Variants in MED27 observed in about 807,000 individuals in gnomAD.
MED27 encodes mediator complex subunit 27.
A neutral mutation model predicts 38.2 loss-of-function variants in MED27; 30 were observed. That is an observed-to-expected ratio of 0.79 (90% CI 0.59 to 1.07). The LOEUF (loss-of-function observed/expected upper bound fraction) is 1.07, where lower values mean the gene tolerates loss of function less well. Among genes scored for constraint, MED27 ranks in the 50% least tolerant of loss-of-function variants. The pLI is 0.00. For synonymous variants in MED27, 122 were observed against 153.5 expected (o/e 0.79, Z 1.52); for missense variants, 289 against 397.5 (o/e 0.73, Z 2.32).
rs539001916 is a variant in MED27, at chr9:131,922,810, C to T, written c.573+16571G>A. Among the ~76,000 whole-genome samples, 19 of 152,116 alleles carry T rather than the reference C, an allele frequency of 1.2e-4. No homozygotes were observed. In the South Asian group the frequency reaches 3.1e-3, roughly 25 times the overall value. On this transcript the variant is annotated intron_variant, in intron 4 of 7. Transcript: ENST00000292035. ...TGTATGTTTAGTAGAGACGGGGTTT[C>T]GCCATGGTGGCCAGGCTGGTCTCAA... is the stretch of plus-strand genomic sequence containing the variant.
rs1266416980 is a variant in MED27, at chr9:131,889,155, C to T, written c.681+4730G>A. 6.6e-6 allele frequency among the ~76,000 whole-genome samples: 1 copy of T among 152,214 alleles called. No individual in the cohort carries two copies. Among genetic ancestry groups the T allele is most frequent in the Non-Finnish European group, 1.5e-5 (1 of 68,036 alleles). Reference sequence around the variant, plus strand: ...GAAATCAGATTCAGCTCCCCACCCCCTCGACCCACATGCACACACACAGCC... The same window carrying T: ...GAAATCAGATTCAGCTCCCCACCCCTTCGACCCACATGCACACACACAGCC... On this transcript the variant is annotated intron_variant, in intron 5 of 7. Transcript: ENST00000292035. This position sits in a 1 kb window ranked among gnomAD's most constrained non-coding sequence, Gnocchi z 4.2.
At chr9:131,999,198 T>C (rs1436020835) in intron 3 of MED27, among the ~76,000 whole-genome samples, 3 of 152,166 alleles carry the variant, frequency 2.0e-5, no homozygotes, top group Admixed American at 6.5e-5. Context: ...GGAATATCTT[T>C]GCCGGAGCCC....
At chr9:132,074,767 T>A (rs1564351170) in intron 2 of MED27, among the ~76,000 whole-genome samples, 1 of 152,264 alleles carries the variant, frequency 6.6e-6, no homozygotes, top group Non-Finnish European at 1.5e-5. Context: ...GGGTTTTGTG[T>A]ATTCTTATAA....
At chr9:132,063,444 T>C (rs1279657207) in intron 2 of MED27, among the ~76,000 whole-genome samples, 1 of 152,230 alleles carries the variant, frequency 6.6e-6, no homozygotes, top group Middle Eastern at 3.2e-3. Flanking sequence ...CTTTATGAGC[T>C]GAGGTCCCCA....
At chr9:131,999,830 G>T (rs1483062931) in intron 3 of MED27, among the ~76,000 whole-genome samples, 1 of 152,058 alleles carries the variant, frequency 6.6e-6, no homozygotes, top group Non-Finnish European at 1.5e-5. Context: ...AGGTGACAAG[G>T]TTAAGAAACA....
intron 2 of MED27, chr9:132,032,157 G>A (rs562548278): frequency 3.3e-5 from 5 of 152,268 alleles, no homozygotes; most frequent in African/African-American, 7.2e-5. Flanking sequence ...CCCACGAGCC[G>A]AGCCCACCTT....
intron 3 of MED27, among the ~76,000 whole-genome samples, chr9:131,954,490 G>A (rs569046986): frequency 9.2e-5 from 14 of 152,268 alleles, no homozygotes; most frequent in East Asian, 5.8e-4. Context: ...AACTTTTAGA[G>A]GGTGCCCTCT....
intron 3 of MED27, among the ~76,000 whole-genome samples, chr9:131,978,065 C>A (rs758326503): frequency 2.6e-5 from 4 of 152,180 alleles, no homozygotes; most frequent in Non-Finnish European, 4.4e-5. Context: ...ACAATACCAT[C>A]GATGAAGCAG....
chr9:132,054,695 C>T (rs1030343544), intron 2 of MED27, among the ~76,000 whole-genome samples: 1 of 152,190 alleles, frequency 6.6e-6, no homozygotes, highest in African/African-American at 2.4e-5. Context: ...CAGGCATGAG[C>T]CATCACGCCC....
intron 3 of MED27, among the ~76,000 whole-genome samples, chr9:132,004,275 A>G (rs114784980): frequency 0.02 from 3,031 of 152,300 alleles, 105 homozygotes; most frequent in African/African-American, 0.068. Context: ...GAGCATTTAA[A>G]ACAAAATGTC....
intron 2 of MED27, among the ~76,000 whole-genome samples, chr9:132,041,795 ACG>A (rs1833219436): frequency 6.6e-6 from 1 of 152,262 alleles, no homozygotes; most frequent in African/African-American, 2.4e-5. Context: ...ACGTGCAAAC[ACG>A]TTCGTGGGGC....
At chr9:131,921,053 C>A (rs1830382136) in intron 4 of MED27, among the ~76,000 whole-genome samples, 1 of 152,146 alleles carries the variant, frequency 6.6e-6, no homozygotes, top group Admixed American at 6.5e-5. Flanking sequence ...AAGCAACAGT[C>A]AGATTCTGGG....
At chr9:131,986,999 ATTTTTTTTTT>A (rs66519112) in intron 3 of MED27, among the ~76,000 whole-genome samples, 26 of 46,252 alleles carry the variant, frequency 5.6e-4, no homozygotes, top group South Asian at 2.8e-3. Context: ...GAGTTCATGG[ATTTTTTTTTT>A]TTTTTTTTTT....
At chr9:131,882,288 G>A (rs1839061701) in intron 6 of MED27, among the ~76,000 whole-genome samples, 1 of 152,166 alleles carries the variant, frequency 6.6e-6, no homozygotes, top group African/African-American at 2.4e-5. Context: ...GGTGGTCCAT[G>A]ACGCCCCTCT....
chr9:131,936,747 T>A (rs1830693849), intron 4 of MED27, among the ~76,000 whole-genome samples: 1 of 152,218 alleles, frequency 6.6e-6, no homozygotes, highest in Non-Finnish European at 1.5e-5. Flanking sequence ...CCTGGCACCA[T>A]CAAACAGCAA....
chr9:131,878,260 G>A (rs796880784), intron 6 of MED27, among the ~76,000 whole-genome samples: 70 of 149,856 alleles, frequency 4.7e-4, no homozygotes, highest in African/African-American at 1.7e-3. Flanking sequence ...GCAACAGAGC[G>A]AGACTCCATT....
intron 4 of MED27, among the ~76,000 whole-genome samples, chr9:131,905,313 T>C (rs1346948475): frequency 6.6e-6 from 1 of 152,208 alleles, no homozygotes; most frequent in Non-Finnish European, 1.5e-5. Context: ...CTAACAGATG[T>C]GAAGAGGAAT....
At chr9:131,901,658 CCCAAATGGGGTT>C (rs985047109) in intron 4 of MED27, among the ~76,000 whole-genome samples, 37 of 152,304 alleles carry the variant, frequency 2.4e-4, no homozygotes, top group African/African-American at 8.4e-4. Flanking sequence ...ATGAGCAGTT[CCCAAATGGGGTT>C]CCAAATGGGA....
intron 5 of MED27, among the ~76,000 whole-genome samples, chr9:131,885,091 G>C (rs912134847): frequency 3.9e-5 from 6 of 152,202 alleles, no homozygotes; most frequent in African/African-American, 1.2e-4. Context: ...CATGTTGTGG[G>C]CATCAGTAGG....
Sources: gnomAD v4.1 joint callset for allele counts (sites outside exome capture counted in the v4.1 genomes callset) on GRCh38, gnomAD v4.1.1 for gene constraint, Gnocchi (gnomAD v3.1) non-coding constraint, MANE v1.5 for transcripts, NCBI Gene and HGNC (gene_info 2026-07-23, HGNC 2026-07-21) for gene names.